The following CSF2RA variants were observed in gnomAD, a reference collection of about 807,000 sequenced individuals.
The protein encoded by CSF2RA is colony stimulating factor 2 receptor subunit alpha.
In CSF2RA, 42 loss-of-function variants were observed where a neutral mutation model predicts 51.6. The observed-to-expected ratio is 0.81, with a 90% CI of 0.64 to 1.05. The LOEUF (loss-of-function observed/expected upper bound fraction) is 1.05. Ranked by LOEUF, CSF2RA falls within the 50% of genes least tolerant of loss-of-function variation. The pLI is 0.00. For synonymous variants in CSF2RA, 222 were observed against 193.0 expected (o/e 1.15, Z -1.24); for missense variants, 530 against 501.1 (o/e 1.06, Z -0.55).
At chrX:1,310,646 T>C (rs1189506740), downstream of CSF2RA, among the ~76,000 whole-genome samples, 4 of 143,260 alleles carry the variant, frequency 2.8e-5, no homozygotes, top group Non-Finnish European at 4.5e-5. Flanking sequence ...CCAGCGTGGA[T>C]GACATAGCGA....
At position 1,288,562 on chromosome X, in the gene CSF2RA, T is replaced by C; in HGVS notation, c.263T>C (p.Leu88Pro). The change falls in exon 5 of 13, where the codon CTG becomes CCG. Residue 88 changes from leucine (L) to proline (P), a missense_variant. By Grantham distance (98) the Leu-to-Pro change is moderately conservative (BLOSUM62 -3). Transcript: ENST00000381529. ...ECSCTFREIC[L>P]HEGVTFEVHV... ...TCGTGCACATTTCGTGAAATTTGTC[T>C]GCATGAAGGAGTCACATTTGAGGTT... 1.2e-6 allele frequency: 2 copies of C among 1,613,944 alleles called. No individual in the cohort carries two copies. Among genetic ancestry groups the C allele is most frequent in the Non-Finnish European group, 1.7e-6 (2 of 1,179,860 alleles).
At chrX:1,324,611 G>A in the CSF2RA span, among the ~76,000 whole-genome samples, 1 of 151,810 alleles carries the variant, frequency 6.6e-6, no homozygotes, top group Non-Finnish European at 1.5e-5. Context: ...AGAAAAGCAA[G>A]AAAGGAAAGA....
chrX:1,272,857 C>T (rs1186573115), intron 1 of CSF2RA, among the ~76,000 whole-genome samples: 5 of 144,142 alleles, frequency 3.5e-5, no homozygotes, highest in Admixed American at 1.5e-4. Context: ...CTAACTTTGT[C>T]GCCCAGACTG....
the CSF2RA span, among the ~76,000 whole-genome samples, chrX:1,318,621 G>C: frequency 6.6e-6 from 1 of 150,672 alleles, no homozygotes; most frequent in Non-Finnish European, 1.5e-5. Flanking sequence ...TGTCTGGGAA[G>C]ACAATTGCAA....
At chrX:1,323,907 G>A in the CSF2RA span, among the ~76,000 whole-genome samples, 5 of 152,018 alleles carry the variant, frequency 3.3e-5, no homozygotes, top group South Asian at 2.1e-4. Context: ...CCAGCTACTC[G>A]GGAGGCTGAG....
At chrX:1,308,709 C>T (rs185139612) in intron 12 of CSF2RA, among the ~76,000 whole-genome samples, 7 of 152,152 alleles carry the variant, frequency 4.6e-5, no homozygotes, top group African/African-American at 1.2e-4. Context: ...CCAGCCTCCT[C>T]CCCGGCCCCC....
rs756495435 is a variant in CSF2RA, at chrX:1,283,099, CTTCCTTCG to C, written c.76+344_76+351del. 7.0e-4 allele frequency among the ~76,000 whole-genome samples: 106 copies of C among 150,664 alleles called. 1 individual carries two copies. The highest frequency in any genetic ancestry group is 1.7e-3 in the African/African-American group (70 of 41,008). Reference sequence around the variant, plus strand: ...CTGCATGGGGCCAAAGTGTTCCTTCCTTCCTTCGTTCCTTCGTTCCTTCGTTCCTTCCT... The same window carrying C: ...CTGCATGGGGCCAAAGTGTTCCTTCCTTCCTTCGTTCCTTCGTTCCTTCCT... On this transcript the variant is annotated intron_variant, in intron 3 of 12. Coordinates refer to ENST00000381529, the MANE Select transcript of CSF2RA (RefSeq NM_172245.4).
chrX:1,323,339 C>A, the CSF2RA span, among the ~76,000 whole-genome samples: 3 of 151,464 alleles, frequency 2.0e-5, no homozygotes, highest in Non-Finnish European at 4.4e-5. Flanking sequence ...CATGGTGAAA[C>A]CCCGTCTCAG....
At chrX:1,302,469 C>T (rs760629618) in intron 10 of CSF2RA, among the ~76,000 whole-genome samples, 11 of 151,980 alleles carry the variant, frequency 7.2e-5, no homozygotes, top group African/African-American at 2.4e-4. Context: ...TCTGGTGGGC[C>T]GGGGTGACTG....
At chrX:1,279,821 C>G (rs2089661156) in intron 2 of CSF2RA, among the ~76,000 whole-genome samples, 1 of 151,632 alleles carries the variant, frequency 6.6e-6, no homozygotes, top group South Asian at 2.1e-4. Context: ...ACAGAGTCTC[C>G]CTCTGTCACC....
rs750291468 is a variant in CSF2RA, at chrX:1,291,744, G to A, written c.646+1235G>A. On this transcript the variant is annotated intron_variant, in intron 7 of 12. Transcript: ENST00000381529. ...CACTTGGACCCAGTGTAGACAGGAG[G>A]AGACCCTGTACCACCTCCACCTGGA... Among the ~76,000 whole-genome samples, 207 of 151,978 alleles carry A rather than the reference G, an allele frequency of 1.4e-3. 1 individual carries two copies. In the Middle Eastern group the frequency reaches 0.024, roughly 18 times the overall value.
intron 6 of CSF2RA, among the ~76,000 whole-genome samples, chrX:1,289,640 GTGTT>G (rs1373035796): frequency 5.4e-5 from 8 of 147,000 alleles, no homozygotes; most frequent in Non-Finnish European, 7.5e-5. Flanking sequence ...GTTTTGTTTT[GTGTT>G]TGTTTTTGTT....
the CSF2RA span, among the ~76,000 whole-genome samples, chrX:1,323,745 T>G: frequency 6.6e-6 from 1 of 151,894 alleles, no homozygotes; most frequent in African/African-American, 2.4e-5. Flanking sequence ...CTGGGCGCAG[T>G]GGCTCACGCC....
chrX:1,289,585 GTTTTTGTGTTTTTGT>G (rs1164110861), intron 6 of CSF2RA, among the ~76,000 whole-genome samples: 8 of 150,236 alleles, frequency 5.3e-5, no homozygotes, highest in Admixed American at 5.3e-4. Flanking sequence ...GGTGTTTTGT[GTTTTTGTGTTTTTGT>G]TTTTTGTGTT....
chrX:1,322,484 C>A, the CSF2RA span, among the ~76,000 whole-genome samples: 1 of 130,400 alleles, frequency 7.7e-6, no homozygotes, highest in African/African-American at 2.9e-5. Context: ...CAGAGAAAGA[C>A]CCTGTAAGTA....
At chrX:1,323,876 T>A in the CSF2RA span, among the ~76,000 whole-genome samples, 5 of 151,474 alleles carry the variant, frequency 3.3e-5, no homozygotes, top group Admixed American at 3.3e-4. Context: ...TAGCCGGGCG[T>A]GGTGGTGGGC....
At chrX:1,304,049 A>G (rs777091884) in intron 11 of CSF2RA, 30 bp downstream of exon 11, 93 of 1,570,978 alleles carry the variant, frequency 5.9e-5, no homozygotes, top group Middle Eastern at 1.7e-4. Flanking sequence ...GGCCTCCCCA[A>G]TGAAAACAGG....
chrX:1,305,811 TG>T, intron 12 of CSF2RA: 2 of 1,544,006 alleles, frequency 1.3e-6, no homozygotes, highest in Non-Finnish European at 1.8e-6. Flanking sequence ...CCAGGCACGG[TG>T]GCTCATGCCT....
downstream of CSF2RA, among the ~76,000 whole-genome samples, chrX:1,314,926 C>T (rs1226751492): frequency 9.7e-5 from 10 of 102,596 alleles, 2 homozygotes; most frequent in South Asian, 7.2e-4. Flanking sequence ...CCTGCCCAAC[C>T]GCACTGCACT....
Sources: gnomAD v4.1 joint callset for allele counts (sites outside exome capture counted in the v4.1 genomes callset) on GRCh38, gnomAD v4.1.1 for gene constraint, MANE v1.5 for transcripts, NCBI Gene and HGNC (gene_info 2026-07-23, HGNC 2026-07-21) for gene names.